NCKAP5: variants seen among roughly 807,000 people sequenced by gnomAD.
NCKAP5 encodes the protein NCK associated protein 5.
NCKAP5 carries 92 observed loss-of-function variants against 167.0 expected under a neutral mutation model. That is an observed-to-expected ratio of 0.55 (90% CI 0.47 to 0.66). The LOEUF (loss-of-function observed/expected upper bound fraction) is 0.66, where lower values mean the gene tolerates loss of function less well. Ranked by LOEUF, NCKAP5 falls within the 30% of genes least tolerant of loss-of-function variation. The pLI is 0.00. For synonymous variants in NCKAP5, 891 were observed against 877.4 expected, an observed-to-expected ratio of 1.02 and a Z score of -0.27; for missense variants, 2,378 against 2,315.0, an observed-to-expected ratio of 1.03 and a Z score of -0.56.
At chr2:133,475,420 A>C (rs1297199666) in intron 3 of NCKAP5, among the ~76,000 whole-genome samples, 3 of 152,154 alleles carry the variant, frequency 2.0e-5, no homozygotes, top group Admixed American at 6.5e-5. Flanking sequence ...GCTTCAATTA[A>C]ACCATCTACA....
intron 8 of NCKAP5, among the ~76,000 whole-genome samples, chr2:132,906,496 A>C (rs1393044325): frequency 6.6e-6 from 1 of 152,156 alleles, no homozygotes; most frequent in Non-Finnish European, 1.5e-5. Context: ...ATTGAGACTG[A>C]TAATACCACA....
At chr2:133,310,340 C>T (rs982857232) in intron 3 of NCKAP5, among the ~76,000 whole-genome samples, 1 of 152,190 alleles carries the variant, frequency 6.6e-6, no homozygotes, top group African/African-American at 2.4e-5. Flanking sequence ...TTAGCATCAG[C>T]CATCTTGAAT....
At chr2:133,466,947 A>G (rs1238691501) in intron 3 of NCKAP5, among the ~76,000 whole-genome samples, 15 of 152,314 alleles carry the variant, frequency 9.8e-5, no homozygotes, top group East Asian at 5.8e-4. Context: ...CAATCATGTC[A>G]TCTGCAAACA....
chr2:133,070,553 T>C (rs1007047166), intron 6 of NCKAP5, among the ~76,000 whole-genome samples: 2 of 152,128 alleles, frequency 1.3e-5, no homozygotes, highest in African/African-American at 2.4e-5. Flanking sequence ...CCAGAATCCT[T>C]TGGGGCTGGC....
At chr2:133,543,127 T>C (rs1030438841) in intron 2 of NCKAP5, among the ~76,000 whole-genome samples, 1 of 152,128 alleles carries the variant, frequency 6.6e-6, no homozygotes. Flanking sequence ...AATGGCTTGG[T>C]ACTGTCCTTG....
intron 10 of NCKAP5, 100 bp from the exon 11 acceptor site, chr2:132,860,711 G>A (rs1224154012): frequency 7.3e-6 from 10 of 1,360,768 alleles, no homozygotes; most frequent in East Asian, 5.2e-5. Context: ...AGTAAAAAAC[G>A]GTATTTTTAT....
chr2:132,925,792 A>AGTAACTTTGCCAATGTGACAAAGTAAG (rs1695837866), intron 8 of NCKAP5, among the ~76,000 whole-genome samples: 1 of 152,210 alleles, frequency 6.6e-6, no homozygotes, highest in African/African-American at 2.4e-5. Context: ...TAGTTGAGGA[A>AGTAACTTTGCCAATGTGACAAAGTAAG]GTAACTTTGC....
intron 16 of NCKAP5, among the ~76,000 whole-genome samples, chr2:132,748,737 A>G (rs1222430665): frequency 6.6e-6 from 1 of 151,592 alleles, no homozygotes; most frequent in African/African-American, 2.4e-5. Flanking sequence ...TTCTAATTCA[A>G]TTACTACTCC....
intron 8 of NCKAP5, among the ~76,000 whole-genome samples, chr2:132,961,994 A>G (rs2076526694): frequency 6.6e-6 from 1 of 152,200 alleles, no homozygotes; most frequent in Admixed American, 6.5e-5. Flanking sequence ...AAAAATGACG[A>G]AAGAATGAGA....
At chr2:133,447,538 TC>T (rs1691280549) in intron 3 of NCKAP5, among the ~76,000 whole-genome samples, 1 of 140,300 alleles carries the variant, frequency 7.1e-6, no homozygotes, top group African/African-American at 2.7e-5. Flanking sequence ...TCCCTTCCTT[TC>T]CCCCTTCCCT....
At chr2:133,243,834 T>A (rs563752847) in intron 4 of NCKAP5, among the ~76,000 whole-genome samples, 1 of 152,354 alleles carries the variant, frequency 6.6e-6, no homozygotes, top group Admixed American at 6.5e-5. Context: ...TATCTCTTCT[T>A]CTGAGGTAAA....
chr2:132,914,990 CAAAAA>C (rs11404641), intron 8 of NCKAP5, among the ~76,000 whole-genome samples: 1 of 104,038 alleles, frequency 9.6e-6, no homozygotes, highest in Non-Finnish European at 2.4e-5. Flanking sequence ...AAGCTATGGC[CAAAAA>C]AAAAAAAAAA....
At chr2:133,329,144 G>A (rs755138096) in intron 3 of NCKAP5, among the ~76,000 whole-genome samples, 3 of 152,160 alleles carry the variant, frequency 2.0e-5, no homozygotes, top group African/African-American at 7.2e-5. Flanking sequence ...AGGCATGAGA[G>A]TGGTACACTT....
the NCKAP5 span, among the ~76,000 whole-genome samples, chr2:133,617,264 T>A: frequency 3.5e-3 from 535 of 152,218 alleles, 7 homozygotes; most frequent in Admixed American, 0.021. Flanking sequence ...GCCCTCTCTC[T>A]CCACTCCTAT....
chr2:132,697,698 T>C lies in NCKAP5; in HGVS notation c.5714-24393A>G, dbSNP rs112816556. 2.6e-5 allele frequency among the ~76,000 whole-genome samples: 4 copies of C among 152,268 alleles called. No individual in the cohort carries two copies. The East Asian group carries it at 7.7e-4, about 29-fold the overall frequency. ...TATAGTTGGTCTGTTTTCCAGACTA[T>C]AGAAAACTGGGAAATGAATTTTCTT... On this transcript the variant is annotated intron_variant, in intron 19 of 19. Coordinates refer to ENST00000409261, the MANE Select transcript of NCKAP5 (RefSeq NM_207363.3).
At chr2:133,422,648 A>C (rs865908180) in intron 3 of NCKAP5, among the ~76,000 whole-genome samples, 13 of 152,190 alleles carry the variant, frequency 8.5e-5, no homozygotes, top group South Asian at 2.1e-4. Context: ...ATGCCCTCCT[A>C]ATCTCTCTAT....
At chr2:132,799,102 C>A (rs374998815) in intron 11 of NCKAP5, among the ~76,000 whole-genome samples, 1 of 151,994 alleles carries the variant, frequency 6.6e-6, no homozygotes, top group Non-Finnish European at 1.5e-5. Context: ...TGCAGCAACA[C>A]GAATCCAGCT....
intron 3 of NCKAP5, among the ~76,000 whole-genome samples, chr2:133,415,297 G>C (rs1339649126): frequency 6.6e-6 from 1 of 152,242 alleles, no homozygotes; most frequent in Non-Finnish European, 1.5e-5. Context: ...CATGCATCTG[G>C]AAAATTAAAT....
At chr2:133,198,628 G>A (rs933389279) in intron 5 of NCKAP5, among the ~76,000 whole-genome samples, 8 of 152,188 alleles carry the variant, frequency 5.3e-5, no homozygotes, top group African/African-American at 1.9e-4. Flanking sequence ...ATTGCTGAGA[G>A]ATATTAAGAA....
Sources: gnomAD v4.1 joint callset for allele counts (sites outside exome capture counted in the v4.1 genomes callset) on GRCh38, gnomAD v4.1.1 for gene constraint, MANE v1.5 for transcripts, NCBI Gene and HGNC (gene_info 2026-07-23, HGNC 2026-07-21) for gene names.